The following TTC7A variants were observed in gnomAD, a reference collection of about 807,000 sequenced individuals.
TTC7A encodes tetratricopeptide repeat domain 7A.
A neutral mutation model predicts 103.7 loss-of-function variants in TTC7A; 110 were observed. The ratio of observed to expected loss-of-function variants is 1.06; its 90% CI spans 0.91 to 1.24. The LOEUF (loss-of-function observed/expected upper bound fraction) is 1.24. Among genes scored for constraint, TTC7A ranks in the 50% most tolerant of loss-of-function variants. TTC7A has a pLI of 0.00. For synonymous variants in TTC7A, 521 were observed against 467.9 expected (o/e 1.11, Z -1.47); for missense variants, 1,340 against 1,116.3 (o/e 1.20, Z -2.86).
chr2:47,027,605 A>G (rs1193218466), intron 14 of TTC7A, among the ~76,000 whole-genome samples: 1 of 152,260 alleles, frequency 6.6e-6, no homozygotes, highest in Non-Finnish European at 1.5e-5. Flanking sequence ...CGGCAGCACC[A>G]ACTCTAGAAC....
At chr2:46,969,515 A>G (rs1398437824) in intron 3 of TTC7A, among the ~76,000 whole-genome samples, 2 of 152,012 alleles carry the variant, frequency 1.3e-5, no homozygotes, top group African/African-American at 2.4e-5. Flanking sequence ...CCCTGGTTCA[A>G]GTGATTCTCC....
chr2:47,014,933 T>C (rs1678479397), intron 11 of TTC7A, among the ~76,000 whole-genome samples: 1 of 152,262 alleles, frequency 6.6e-6, no homozygotes, highest in African/African-American at 2.4e-5. Flanking sequence ...ATACCGGGTC[T>C]GGGTCTGAGA....
At position 47,029,395 on chromosome 2, in the gene TTC7A, T is replaced by G; in HGVS notation, c.1802+11T>G. On this transcript the variant is annotated intron_variant, in intron 15 of 19. Coordinates refer to ENST00000319190, the MANE Select transcript of TTC7A (RefSeq NM_020458.4). Reference sequence around the variant, plus strand: ...CCCTGAGAACTTCAAGTGAGTGCCCTGGGAACACTCTGGCAGTGGGGGAGC... The same window carrying G: ...CCCTGAGAACTTCAAGTGAGTGCCCGGGGAACACTCTGGCAGTGGGGGAGC... The G allele has an allele frequency of 6.2e-7, 1 of 1,613,192 alleles. No individual in the cohort carries two copies. The highest frequency in any genetic ancestry group is 8.5e-7 in the Non-Finnish European group (1 of 1,179,828).
chr2:46,978,028 A>G (rs1207801439), intron 4 of TTC7A: 1 of 152,132 alleles, frequency 6.6e-6, no homozygotes, highest in African/African-American at 2.4e-5. Flanking sequence ...TCTTTCCTTA[A>G]CTGGAGGTGG....
At chr2:46,986,538 G>A (rs1311318956) in intron 5 of TTC7A, among the ~76,000 whole-genome samples, 2 of 151,918 alleles carry the variant, frequency 1.3e-5, no homozygotes, top group East Asian at 1.9e-4. Flanking sequence ...AGAGGTGGGG[G>A]TGCTGCCTGG....
intron 3 of TTC7A, among the ~76,000 whole-genome samples, chr2:46,968,770 CAT>C (rs1344869656): frequency 3.9e-5 from 6 of 152,250 alleles, no homozygotes; most frequent in African/African-American, 1.2e-4. Context: ...CATATGGTGA[CAT>C]GTACAAATCT....
chr2:46,977,773 C>T (rs570599117), intron 4 of TTC7A, among the ~76,000 whole-genome samples: 1 of 152,300 alleles, frequency 6.6e-6, no homozygotes, highest in South Asian at 2.1e-4. Flanking sequence ...GAGCCTCACT[C>T]TTTTGCCCAG....
intron 13 of TTC7A, 41 bp downstream of exon 13, chr2:47,023,506 T>C (rs1679521298): frequency 1.9e-6 from 3 of 1,603,626 alleles, no homozygotes. Context: ...CCTCTTGCCT[T>C]TGGTGGCAGA....
chr2:47,002,579 G>C (rs1220114337), intron 8 of TTC7A, among the ~76,000 whole-genome samples: 1 of 152,066 alleles, frequency 6.6e-6, no homozygotes, highest in African/African-American at 2.4e-5. Flanking sequence ...GTGAGCCAGG[G>C]AGGAGGGAGC....
In TTC7A at chr2:46,987,148, G is replaced by C. The variant is rs191668224; in HGVS notation, c.765-6302G>C. On this transcript the variant is annotated intron_variant, in intron 5 of 19. Coordinates refer to ENST00000319190, the MANE Select transcript of TTC7A (RefSeq NM_020458.4). ...CAGTGCAAAAGAGCCCTCGGTGGGT[G>C]GGGGTGGAGGGCGTCTCTTCCCCTC... Among the ~76,000 whole-genome samples the C allele has an allele frequency of 1.3e-3, 201 of 152,324 alleles. 1 individual carries two copies. The highest frequency in any genetic ancestry group is 4.6e-3 in the African/African-American group (192 of 41,572).
chr2:46,982,836 G>T (rs1466530954), intron 5 of TTC7A, among the ~76,000 whole-genome samples: 1 of 151,982 alleles, frequency 6.6e-6, no homozygotes, highest in Admixed American at 6.5e-5. Context: ...ACATCGTGGT[G>T]TGCACCTGTG....
intron 2 of TTC7A, among the ~76,000 whole-genome samples, chr2:46,934,250 T>C (rs575447630): frequency 3.2e-4 from 48 of 152,320 alleles, no homozygotes; most frequent in African/African-American, 1.2e-3. Context: ...AGAAACCATT[T>C]AAATGAACTC....
intron 2 of TTC7A, among the ~76,000 whole-genome samples, chr2:46,927,883 T>G (rs1441127622): frequency 1.6e-5 from 2 of 123,360 alleles, no homozygotes; most frequent in Non-Finnish European, 3.4e-5. Context: ...GTTTTTTTGG[T>G]GTTTTTTTTT....
Position 47,032,859 on chromosome 2 carries a change from CAAAAAAA to C in TTC7A, c.1802+3494_1802+3500del, listed in dbSNP as rs10586448. On this transcript the variant is annotated intron_variant, in intron 15 of 19. Coordinates refer to ENST00000319190, the MANE Select transcript of TTC7A (RefSeq NM_020458.4). ...GAGAATAAATCTCTGTTGTTTTAAGCAAAAAAAAAAAAAAAAAAAAAAAAATTGTATC... is the reference window on the plus strand; with the variant it reads ...GAGAATAAATCTCTGTTGTTTTAAGCAAAAAAAAAAAAAAAAAATTGTATC... Among the ~76,000 whole-genome samples, 704 of 87,936 alleles carry C rather than the reference CAAAAAAA, an allele frequency of 8.0e-3. 5 individuals carry two copies. Among genetic ancestry groups the C allele is most frequent in the African/African-American group, 0.023 (601 of 26,562 alleles). 57.7% of individuals were successfully genotyped at this position (87,936 alleles called of 152,430 possible).
chr2:46,973,196 G>A (rs929829102), intron 3 of TTC7A, among the ~76,000 whole-genome samples: 3 of 152,184 alleles, frequency 2.0e-5, no homozygotes, highest in Non-Finnish European at 4.4e-5. Flanking sequence ...TGGAGCCCCT[G>A]AAATTAAGGG....
chr2:46,967,850 G>T (rs1384728403), intron 3 of TTC7A, among the ~76,000 whole-genome samples: 1 of 151,988 alleles, frequency 6.6e-6, no homozygotes, highest in Non-Finnish European at 1.5e-5. Context: ...GATCTGTGAG[G>T]GTTCTTTCCT....
At chr2:47,063,376 C>A (rs144365305) in intron 19 of TTC7A, among the ~76,000 whole-genome samples, 536 of 152,336 alleles carry the variant, frequency 3.5e-3, no homozygotes, top group Non-Finnish European at 5.8e-3. Flanking sequence ...AGTCCCTCAC[C>A]AGTGTCAGAC....
intron 7 of TTC7A, 145 bp from the exon 8 acceptor site, chr2:46,994,991 G>A: frequency 1.4e-6 from 1 of 726,690 alleles, no homozygotes; most frequent in Non-Finnish European, 2.4e-6. Flanking sequence ...TGGGGCATAT[G>A]GTATCCGGTG....
chr2:47,012,875 G>A (rs1678230373), intron 11 of TTC7A, among the ~76,000 whole-genome samples: 1 of 152,210 alleles, frequency 6.6e-6, no homozygotes, highest in South Asian at 2.1e-4. Flanking sequence ...CTGATCAGGA[G>A]GAAGGGAAAG....
Sources: allele counts gnomAD v4.1 joint callset (sites outside exome capture counted in the v4.1 genomes callset), GRCh38; gene constraint gnomAD v4.1.1; transcripts MANE v1.5; gene names NCBI Gene and HGNC (gene_info 2026-07-23, HGNC 2026-07-21).